Variants in INSC observed in about 807,000 individuals in gnomAD.
INSC encodes the protein INSC spindle orientation adaptor protein.
In INSC, 67 loss-of-function variants were observed where a neutral mutation model predicts 58.6. The ratio of observed to expected loss-of-function variants is 1.14; its 90% confidence interval spans 0.94 to 1.40. The LOEUF (loss-of-function observed/expected upper bound fraction) is 1.40. Among genes scored for constraint, INSC ranks in the 40% most tolerant of loss-of-function variants. INSC has a pLI of 0.00. For synonymous variants in INSC, 262 were observed against 276.1 expected (o/e 0.95, Z 0.51); for missense variants, 714 against 692.0 (o/e 1.03, Z -0.36).
At position 15,178,488 on chromosome 11, in the gene INSC, A is replaced by C. The variant is rs750200361; in HGVS notation, c.579+41A>C. ...GCTGCAGGGAGGGGTGCTTGTGTGG[A>C]CCCTTGGAGGAAAGGAGAGAAAGAG... is the stretch of plus-strand genomic sequence containing the variant. On this transcript the variant is annotated intron_variant, in intron 5 of 12. Transcript: ENST00000379556. The C allele has an allele frequency of 1.4e-5, 23 of 1,592,290 alleles. 1 individual carries two copies. In the South Asian group the frequency reaches 2.4e-4, roughly 17 times the overall value.
In INSC at chr11:15,149,334, G is replaced by A. The variant is rs757347041; in HGVS notation, c.56+104G>A. 127 of 1,150,006 alleles carry A rather than the reference G, an allele frequency of 1.1e-4. 1 individual carries two copies. The highest frequency in any genetic ancestry group is 1.4e-4 in the Non-Finnish European group (120 of 868,898). 71.2% of individuals were successfully genotyped at this position (1,150,006 alleles called of 1,614,324 possible). On this transcript the variant is annotated intron_variant, in intron 2 of 12. Coordinates refer to ENST00000379556, the MANE Select transcript of INSC (RefSeq NM_001042536.3). ...GCTGCAGGTGACCCCATCTTCCCAC[G>A]CAATTTTCTGGGGAGGATGCCGAGC...
intron 7 of INSC, among the ~76,000 whole-genome samples, chr11:15,204,275 G>A (rs140138202): frequency 6.6e-5 from 10 of 152,340 alleles, no homozygotes; most frequent in East Asian, 1.9e-4. Flanking sequence ...GCTCAAGGGC[G>A]CATAGCTAAA....
chr11:15,265,623 A>G, the INSC span, among the ~76,000 whole-genome samples: 4 of 151,778 alleles, frequency 2.6e-5, no homozygotes, highest in Admixed American at 6.6e-5. Context: ...ATTATGTACT[A>G]TTACTCATTT....
chr11:15,176,037 T>G lies in INSC; in HGVS notation c.353T>G (p.Val118Gly). The change falls in exon 3 of 13, where the codon GTC (valine) becomes GGC (glycine). Residue 118 changes from valine (V) to glycine (G), a missense_variant. Val to Gly is a moderately radical substitution (Grantham distance 109). Coordinates refer to ENST00000379556, the MANE Select transcript of INSC (RefSeq NM_001042536.3). ...VRLTCHARSMVSEYSAVSRNS... is the reference protein window; with the variant it reads ...VRLTCHARSMGSEYSAVSRNS... ...CTGACCTGCCATGCCCGCTCCATGG[T>G]CAGCGAGTACAGTGCTGTCAGCAGG... 1 of 1,573,376 alleles carries G rather than the reference T, an allele frequency of 6.4e-7. No individual in the cohort carries two copies. Among genetic ancestry groups the G allele is most frequent in the Non-Finnish European group, 8.7e-7 (1 of 1,155,948 alleles).
chr11:15,250,424 A>G (rs181335230), downstream of INSC, among the ~76,000 whole-genome samples: 1 of 152,360 alleles, frequency 6.6e-6, no homozygotes, highest in Admixed American at 6.5e-5. Context: ...TGTTGTCATC[A>G]TCATAACTGT....
chr11:15,243,281 A>G (rs1852428619), intron 12 of INSC, among the ~76,000 whole-genome samples: 2 of 152,148 alleles, frequency 1.3e-5, no homozygotes, highest in African/African-American at 4.8e-5. Context: ...CTCTTCCCCA[A>G]GGCGTTTCCC....
At chr11:15,228,668 G>A (rs1187419444) in intron 9 of INSC, among the ~76,000 whole-genome samples, 1 of 152,170 alleles carries the variant, frequency 6.6e-6, no homozygotes, top group Non-Finnish European at 1.5e-5. Flanking sequence ...GCCCCATGAG[G>A]CTTCCGGTAA....
At chr11:15,205,100 C>A (rs1055855661) in intron 7 of INSC, among the ~76,000 whole-genome samples, 3 of 152,202 alleles carry the variant, frequency 2.0e-5, no homozygotes, top group Non-Finnish European at 4.4e-5. Flanking sequence ...CAGTCATTCA[C>A]TTACTTTTAA....
chr11:15,184,405 G>GTT (rs769971396), intron 5 of INSC: 27 of 193,794 alleles, frequency 1.4e-4, no homozygotes, highest in South Asian at 3.7e-4. Flanking sequence ...TTTTCTTTTT[G>GTT]TTTTTTTTTG....
At chr11:15,192,509 T>G (rs529549585) in intron 6 of INSC, among the ~76,000 whole-genome samples, 1 of 152,372 alleles carries the variant, frequency 6.6e-6, no homozygotes, top group East Asian at 1.9e-4. Flanking sequence ...GTGTGCTTTT[T>G]AAGGACAGAA....
chr11:15,156,658 G>A (rs1353042854), intron 2 of INSC, among the ~76,000 whole-genome samples: 3 of 152,220 alleles, frequency 2.0e-5, no homozygotes, highest in Non-Finnish European at 2.9e-5. Flanking sequence ...GACAAGTTAT[G>A]TAATGCCGCT....
intron 12 of INSC, chr11:15,241,521 C>A (rs578222833): frequency 1.4e-4 from 97 of 700,966 alleles, no homozygotes; most frequent in Non-Finnish European, 1.8e-4. Context: ...ACATTTTATT[C>A]AATAAATGTT....
chr11:15,128,405 A>G (rs945970647), intron 1 of INSC, among the ~76,000 whole-genome samples: 1 of 152,164 alleles, frequency 6.6e-6, no homozygotes, highest in African/African-American at 2.4e-5. Flanking sequence ...ATCCATTATT[A>G]TATTTTAGTT....
intron 1 of INSC, among the ~76,000 whole-genome samples, chr11:15,136,239 C>T (rs1313767235): frequency 6.6e-6 from 1 of 152,092 alleles, no homozygotes; most frequent in Non-Finnish European, 1.5e-5. Context: ...AAACAATGTA[C>T]ATATATAATT....
At chr11:15,196,595 G>T (rs1290353956) in intron 6 of INSC, among the ~76,000 whole-genome samples, 1 of 152,138 alleles carries the variant, frequency 6.6e-6, no homozygotes, top group Non-Finnish European at 1.5e-5. Flanking sequence ...GGTCAAAACT[G>T]GGAGGCATTG....
chr11:15,245,109 G>A (rs1447386305), intron 12 of INSC, among the ~76,000 whole-genome samples: 1 of 152,206 alleles, frequency 6.6e-6, no homozygotes, highest in African/African-American at 2.4e-5. Context: ...TCAGAGTCTA[G>A]TGTGGGAGAT....
At chr11:15,256,482 T>A in the INSC span, among the ~76,000 whole-genome samples, 1 of 141,626 alleles carries the variant, frequency 7.1e-6, no homozygotes, top group Non-Finnish European at 1.5e-5. Flanking sequence ...TTGGAGAAAA[T>A]TTCATTTCAT....
Position 15,175,995 on chromosome 11 carries a change from A to G in INSC, c.311A>G (p.His104Arg). The part of the protein sequence containing the change: ...KLAQDRWARV[H>R]SMSVRLTCHA... Reference sequence around the variant, plus strand: ...GCCCAGGACCGCTGGGCACGGGTGCACAGCATGAGCGTGCGTCTGACCTGC... The same window carrying G: ...GCCCAGGACCGCTGGGCACGGGTGCGCAGCATGAGCGTGCGTCTGACCTGC... Residue 104 changes from histidine to arginine, a missense_variant, in exon 3 of 13, where the codon CAC becomes CGC. Physicochemically the swap from His to Arg is conservative, Grantham distance 29. Transcript: ENST00000379556. 1 of 1,608,718 alleles carries G rather than the reference A, an allele frequency of 6.2e-7. No homozygotes were observed. Among genetic ancestry groups the G allele is most frequent in the Non-Finnish European group, 8.5e-7 (1 of 1,177,404 alleles).
intron 2 of INSC, among the ~76,000 whole-genome samples, chr11:15,155,163 C>T (rs1848771960): frequency 6.6e-6 from 1 of 152,194 alleles, no homozygotes; most frequent in Non-Finnish European, 1.5e-5. Flanking sequence ...ACTTTACCTC[C>T]ACCCCTCTGG....
Sources: allele counts gnomAD v4.1 joint callset (sites outside exome capture counted in the v4.1 genomes callset), GRCh38; gene constraint gnomAD v4.1.1; transcripts MANE v1.5; gene names NCBI Gene and HGNC (gene_info 2026-07-23, HGNC 2026-07-21).